Variants in NAF1 observed in about 807,000 individuals in gnomAD.
NAF1 encodes the protein H/ACA ribonucleoprotein complex non-core subunit NAF1.
A neutral mutation model predicts 40.6 loss-of-function variants in NAF1; 11 were observed. The ratio of observed to expected loss-of-function variants is 0.27; its 90% CI spans 0.17 to 0.45. The LOEUF (loss-of-function observed/expected upper bound fraction) is 0.45, where lower values mean the gene tolerates loss of function less well. NAF1 is among the 20% of genes least tolerant of loss of function. The probability of loss-of-function intolerance (pLI) is 1.00; values close to 1 mark genes in which losing one functional copy is unlikely to be tolerated. For missense variants in NAF1, 607 were observed against 611.1 expected (o/e 0.99, Z 0.07); for synonymous variants, 260 against 228.5 (o/e 1.14, Z -1.24).
intron 4 of NAF1, among the ~76,000 whole-genome samples, chr4:163,145,252 C>A (rs1333909501): frequency 6.6e-6 from 1 of 152,164 alleles, no homozygotes. Flanking sequence ...ATAGTAATTA[C>A]TTGAATGCAC....
At chr4:163,166,187 G>C (rs896433781) in intron 1 of NAF1, among the ~76,000 whole-genome samples, 176 bp downstream of exon 1, 3 of 152,328 alleles carry the variant, frequency 2.0e-5, no homozygotes, top group Admixed American at 6.5e-5. Context: ...CCTGCTTTGA[G>C]AGGCAGCGAA....
chr4:163,112,425 G>T (rs1730189863), intron 2 of NAF1, among the ~76,000 whole-genome samples: 1 of 152,156 alleles, frequency 6.6e-6, no homozygotes, highest in Non-Finnish European at 1.5e-5. Context: ...ATGTGTTAGG[G>T]ATCAACACTT....
At chr4:163,162,997 T>C (rs776961903) in intron 2 of NAF1, among the ~76,000 whole-genome samples, 3 of 152,164 alleles carry the variant, frequency 2.0e-5, no homozygotes, top group African/African-American at 4.8e-5. Context: ...AAGGTAAGAA[T>C]TGCAAATCTA....
intron 7 of NAF1, among the ~76,000 whole-genome samples, chr4:163,129,579 G>T (rs1372662183): frequency 6.6e-6 from 1 of 152,038 alleles, no homozygotes; most frequent in African/African-American, 2.4e-5. Context: ...TTCTACTCTA[G>T]CCAAACACCA....
intron 2 of NAF1, among the ~76,000 whole-genome samples, chr4:163,115,441 C>T (rs931303464): frequency 6.6e-6 from 1 of 151,988 alleles, no homozygotes; most frequent in Non-Finnish European, 1.5e-5. Context: ...CGTGATCCAC[C>T]CGCCTCGGCC....
intron 2 of NAF1, among the ~76,000 whole-genome samples, chr4:163,162,665 G>A (rs1246905321): frequency 6.6e-6 from 1 of 152,156 alleles, no homozygotes; most frequent in Non-Finnish European, 1.5e-5. Flanking sequence ...AAACTGGACT[G>A]GTCTTGTTTA....
chr4:163,108,221 C>A (rs1730080855), downstream of NAF1, among the ~76,000 whole-genome samples: 1 of 152,182 alleles, frequency 6.6e-6, no homozygotes, highest in Admixed American at 6.5e-5. Context: ...TCTACTCCAG[C>A]ATTTTTCACT....
downstream of NAF1, among the ~76,000 whole-genome samples, chr4:163,108,170 T>A (rs536969700): frequency 6.2e-4 from 95 of 152,316 alleles, no homozygotes; most frequent in African/African-American, 2.1e-3. Flanking sequence ...TCATAGTATC[T>A]GAAATCACCT....
chr4:163,126,486 G>A (rs1370722233), downstream of NAF1, among the ~76,000 whole-genome samples: 1 of 152,196 alleles, frequency 6.6e-6, no homozygotes, highest in Non-Finnish European at 1.5e-5. Context: ...AGATGTGACT[G>A]AATTGCTGCA....
intron 2 of NAF1, among the ~76,000 whole-genome samples, chr4:163,153,152 G>A (rs1459607742): frequency 3.9e-5 from 6 of 152,210 alleles, no homozygotes; most frequent in South Asian, 2.1e-4. Context: ...TTCCTGTGCA[G>A]CCCGAGCCTC....
chr4:163,104,075 G>A, the NAF1 span, among the ~76,000 whole-genome samples: 6 of 152,204 alleles, frequency 3.9e-5, no homozygotes, highest in South Asian at 2.1e-4. Context: ...GTTCTCTTGC[G>A]GGTAGGGGTG....
downstream of NAF1, among the ~76,000 whole-genome samples, chr4:163,125,624 A>T (rs1300603301): frequency 6.6e-6 from 1 of 152,230 alleles, no homozygotes; most frequent in Non-Finnish European, 1.5e-5. Context: ...AGGTTTAAGG[A>T]AAGAAGCCAT....
At chr4:163,114,453 T>A (rs1730263000) in intron 2 of NAF1, among the ~76,000 whole-genome samples, 1 of 152,208 alleles carries the variant, frequency 6.6e-6, no homozygotes, top group East Asian at 1.9e-4. Context: ...CCAGAAAATT[T>A]ATTTTCAAGG....
intron 2 of NAF1, among the ~76,000 whole-genome samples, chr4:163,115,850 A>T (rs1379815790): frequency 1.3e-5 from 2 of 152,194 alleles, no homozygotes; most frequent in East Asian, 3.8e-4. Context: ...AATGCAACAA[A>T]ATCTTGCAGC....
downstream of NAF1, among the ~76,000 whole-genome samples, chr4:163,127,772 G>A (rs188628413): frequency 8.1e-3 from 1,228 of 152,300 alleles, 17 homozygotes; most frequent in Non-Finnish European, 9.0e-3. Context: ...TGGGGCCTTA[G>A]TGCAACCAGA....
Position 163,137,470 on chromosome 4 carries a change from A to C in NAF1, c.879-220T>G, listed in dbSNP as rs114251464. ...AGAAATATTAGGATTAGGGAACTGG[A>C]ATGAGAAGCCAAGGCTATGGTGTGC... is the stretch of plus-strand genomic sequence containing the variant. On this transcript the variant is annotated intron_variant, in intron 5 of 7. Transcript: ENST00000274054. Among the ~76,000 whole-genome samples the C allele has an allele frequency of 1.7e-3, 252 of 152,278 alleles. 1 individual carries two copies. The highest frequency in any genetic ancestry group is 5.8e-3 in the African/African-American group (239 of 41,564).
downstream of NAF1, among the ~76,000 whole-genome samples, chr4:163,125,693 T>C (rs886498799): frequency 3.3e-5 from 5 of 152,216 alleles, no homozygotes; most frequent in African/African-American, 1.2e-4. Flanking sequence ...CTAGATAAGA[T>C]GGATGCACTA....
chr4:163,135,073 T>C (rs1731004253), intron 6 of NAF1: 1 of 152,226 alleles, frequency 6.6e-6, no homozygotes, highest in African/African-American at 2.4e-5. Flanking sequence ...CGGTGGCATA[T>C]TAAAAATGGC....
chr4:163,151,465 C>G (rs1731702691), intron 2 of NAF1, among the ~76,000 whole-genome samples: 1 of 151,754 alleles, frequency 6.6e-6, no homozygotes. Flanking sequence ...AACTACTAGC[C>G]AGTTATCCTG....
Sources: allele counts gnomAD v4.1 joint callset (sites outside exome capture counted in the v4.1 genomes callset), GRCh38; gene constraint gnomAD v4.1.1; transcripts MANE v1.5; gene names NCBI Gene and HGNC (gene_info 2026-07-23, HGNC 2026-07-21).